The following FGF14 variants were observed in gnomAD, a reference collection of about 807,000 sequenced individuals.
FGF14 encodes fibroblast growth factor 14, also known as fibroblast growth factor homologous factor 4.
In FGF14, 5 loss-of-function variants were observed where a neutral mutation model predicts 25.5. The ratio of observed to expected loss-of-function variants is 0.20; its 90% confidence interval spans 0.10 to 0.41. The LOEUF (loss-of-function observed/expected upper bound fraction) is 0.41, where lower values mean the gene tolerates loss of function less well. FGF14 is among the 10% of genes least tolerant of loss of function. The probability of loss-of-function intolerance (pLI) is 1.00; values close to 1 mark genes in which losing one functional copy is unlikely to be tolerated. For missense variants in FGF14, 222 were observed against 320.1 expected (o/e 0.69, Z 2.34); for synonymous variants, 138 against 118.3 (o/e 1.17, Z -1.08).
intron 1 of FGF14, among the ~76,000 whole-genome samples, chr13:102,109,488 GTATA>G (rs2045106598): frequency 1.3e-5 from 2 of 151,934 alleles, no homozygotes; most frequent in African/African-American, 4.8e-5. Context: ...TCTATAATGT[GTATA>G]TATATCAAAA....
intron 1 of FGF14, among the ~76,000 whole-genome samples, chr13:102,388,096 G>A (rs1028542484): frequency 1.3e-5 from 2 of 152,068 alleles, no homozygotes; most frequent in Non-Finnish European, 2.9e-5. Context: ...AGTCCCTGGG[G>A]TCTGTTGTTC....
At chr13:102,307,843 C>T (rs1206448435) in intron 1 of FGF14, among the ~76,000 whole-genome samples, 1 of 152,100 alleles carries the variant, frequency 6.6e-6, no homozygotes, top group Non-Finnish European at 1.5e-5. Context: ...CTAACAGGAG[C>T]AAGCATTTAT....
At chr13:101,740,492 T>G (rs1311433727) in intron 3 of FGF14, among the ~76,000 whole-genome samples, 1 of 152,104 alleles carries the variant, frequency 6.6e-6, no homozygotes, top group African/African-American at 2.4e-5. Flanking sequence ...ACATGGCTGA[T>G]TGGAGAAATA....
At chr13:102,053,204 T>G (rs992700002) in intron 1 of FGF14, among the ~76,000 whole-genome samples, 1 of 151,974 alleles carries the variant, frequency 6.6e-6, no homozygotes, top group African/African-American at 2.4e-5. Context: ...ATATCAATAA[T>G]TACCTTAAAT....
chr13:101,902,278 C>A (rs956318910), intron 1 of FGF14, among the ~76,000 whole-genome samples: 1 of 151,904 alleles, frequency 6.6e-6, no homozygotes, highest in Non-Finnish European at 1.5e-5. Context: ...TATTTTCTGT[C>A]CTTATGCTCT....
chr13:101,728,275 A>T (rs568538900), intron 3 of FGF14, among the ~76,000 whole-genome samples: 1 of 152,304 alleles, frequency 6.6e-6, no homozygotes, highest in Non-Finnish European at 1.5e-5. Context: ...GATCAATTTG[A>T]TGAAATCACA....
chr13:102,306,025 C>A (rs1043014085), intron 1 of FGF14, among the ~76,000 whole-genome samples: 4 of 152,090 alleles, frequency 2.6e-5, no homozygotes, highest in Non-Finnish European at 5.9e-5. Flanking sequence ...AGCATTCATC[C>A]CCTAATGAGG....
intron 1 of FGF14, among the ~76,000 whole-genome samples, chr13:102,297,692 T>C (rs564489197): frequency 5.4e-4 from 81 of 150,576 alleles, no homozygotes; most frequent in Non-Finnish European, 9.0e-4. Flanking sequence ...TTGAGACCAG[T>C]CTGGGCAATA....
intron 1 of FGF14, among the ~76,000 whole-genome samples, chr13:101,907,470 T>A (rs912209672): frequency 2.0e-5 from 3 of 152,174 alleles, no homozygotes; most frequent in Admixed American, 6.6e-5. Context: ...TATGAAAATT[T>A]GAATGCCAAA....
rs1284400468 is a variant in FGF14 at position 101,716,295 on chromosome 13, A to T, written c.*6536T>A. On this transcript the variant is annotated 3_prime_UTR_variant, in exon 5 of 5. Coordinates refer to ENST00000376143, the MANE Select transcript of FGF14 (RefSeq NM_004115.4). ...GAGTGGGGCTGGATCAAGGGCAAAA[A>T]CTGGTCATTAAGTCATCTGACATTA... The T allele has an allele frequency of 6.6e-6, 1 of 152,140 alleles. No individual in the cohort carries two copies. The highest frequency in any genetic ancestry group is 6.5e-5 in the Admixed American group (1 of 15,274). 9.4% of individuals were successfully genotyped at this position (152,140 alleles called of 1,614,324 possible). A position where few individuals can be genotyped will look rare whatever the true frequency, so the allele number is the denominator to read the frequency against.
At chr13:101,915,301 T>C (rs1472258359) in intron 1 of FGF14, among the ~76,000 whole-genome samples, 1 of 152,346 alleles carries the variant, frequency 6.6e-6, no homozygotes, top group African/African-American at 2.4e-5. Flanking sequence ...ACTCACTCTT[T>C]GAGAAACACA....
chr13:102,131,176 G>A (rs1046675538), intron 1 of FGF14, among the ~76,000 whole-genome samples: 1 of 152,134 alleles, frequency 6.6e-6, no homozygotes, highest in Non-Finnish European at 1.5e-5. Flanking sequence ...AGCAGGCAAT[G>A]AAGGCTAAAC....
intron 1 of FGF14, among the ~76,000 whole-genome samples, chr13:102,321,053 T>C (rs1179628243): frequency 2.0e-5 from 3 of 152,220 alleles, no homozygotes; most frequent in Admixed American, 6.5e-5. Context: ...AATATTGGAA[T>C]GTCTGATTCC....
In FGF14 at chr13:101,745,242, G is replaced by T. The variant is rs190968585; in HGVS notation, c.409-18432C>A. On this transcript the variant is annotated intron_variant, in intron 3 of 4. Coordinates refer to ENST00000376143, the MANE Select transcript of FGF14 (RefSeq NM_004115.4). ...TTTAAATTCACAGAAAAATTGAGCA[G>T]AGTACAGAGAATTCCCATATACCCA... Among the ~76,000 whole-genome samples, 75 of 152,082 alleles carry T rather than the reference G, an allele frequency of 4.9e-4. 1 individual carries two copies. The highest frequency in any genetic ancestry group is 1.0e-3 in the Non-Finnish European group (68 of 67,908).
intron 3 of FGF14, among the ~76,000 whole-genome samples, chr13:101,787,013 CT>C (rs2039875117): frequency 6.6e-6 from 1 of 152,138 alleles, no homozygotes; most frequent in Non-Finnish European, 1.5e-5. Context: ...TACAATCTGT[CT>C]TGTCTTCCCA....
chr13:102,077,532 G>A (rs2043420308), intron 1 of FGF14, among the ~76,000 whole-genome samples: 1 of 152,144 alleles, frequency 6.6e-6, no homozygotes, highest in South Asian at 2.1e-4. Flanking sequence ...ACAGGTATAT[G>A]AAAAATGTTC....
intron 1 of FGF14, among the ~76,000 whole-genome samples, chr13:102,218,032 G>T (rs1044776079): frequency 6.6e-6 from 1 of 152,040 alleles, no homozygotes; most frequent in Non-Finnish European, 1.5e-5. Flanking sequence ...AATTCTGCCC[G>T]TTTCAAGAGA....
intron 1 of FGF14, among the ~76,000 whole-genome samples, chr13:101,889,311 C>T (rs2046150272): frequency 6.6e-6 from 1 of 152,108 alleles, no homozygotes; most frequent in Admixed American, 6.6e-5. Flanking sequence ...GACTATGTAG[C>T]TAACTATGAG....
intron 1 of FGF14, among the ~76,000 whole-genome samples, chr13:101,902,875 CTA>C (rs1429748494): frequency 1.3e-5 from 2 of 152,114 alleles, no homozygotes; most frequent in South Asian, 2.1e-4. Context: ...AGCTTTAGTT[CTA>C]TGTTTGAATA....
Sources: allele counts gnomAD v4.1 joint callset (sites outside exome capture counted in the v4.1 genomes callset), GRCh38; gene constraint gnomAD v4.1.1; transcripts MANE v1.5; gene names NCBI Gene and HGNC (gene_info 2026-07-23, HGNC 2026-07-21).